Variants in CDIN1 observed in about 807,000 individuals in gnomAD.
The protein encoded by CDIN1 is CDAN1-interacting nuclease 1.
A neutral mutation model predicts 45.3 loss-of-function variants in CDIN1; 33 were observed. That is an observed-to-expected ratio of 0.73 (90% CI 0.55 to 0.97). CDIN1 has a LOEUF of 0.97. Ranked by LOEUF, CDIN1 falls within the 50% of genes least tolerant of loss-of-function variation. The probability of loss-of-function intolerance (pLI) is 0.00; values close to 1 mark genes in which losing one functional copy is unlikely to be tolerated. For missense variants in CDIN1, 303 were observed against 339.4 expected, an observed-to-expected ratio of 0.89 and a Z score of 0.84; for synonymous variants, 118 against 124.4, an observed-to-expected ratio of 0.95 and a Z score of 0.34.
intron 1 of CDIN1, chr15:36,618,003 T>C: frequency 1.3e-6 from 1 of 789,198 alleles, no homozygotes; most frequent in South Asian, 1.3e-5. Context: ...TCCCCAGTCT[T>C]TATGCAGCCT....
At chr15:36,739,442 A>AAAACC (rs1390719886) in intron 10 of CDIN1, among the ~76,000 whole-genome samples, 1 of 151,966 alleles carries the variant, frequency 6.6e-6, no homozygotes, top group Non-Finnish European at 1.5e-5. Flanking sequence ...AAAACAAAAC[A>AAAACC]AAAAACAAAG....
At chr15:36,726,526 T>G (rs530363485) in intron 10 of CDIN1, among the ~76,000 whole-genome samples, 41 of 152,356 alleles carry the variant, frequency 2.7e-4, no homozygotes, top group African/African-American at 8.9e-4. Context: ...GACATTTATG[T>G]CTGACATTGT....
intron 10 of CDIN1, among the ~76,000 whole-genome samples, chr15:36,748,217 A>G (rs1860339084): frequency 6.6e-6 from 1 of 152,256 alleles, no homozygotes; most frequent in African/African-American, 2.4e-5. Context: ...CACATAATAC[A>G]CATTTGACAA....
At chr15:36,619,156 G>A (rs2039033867) in intron 1 of CDIN1, 3 of 1,153,078 alleles carry the variant, frequency 2.6e-6, no homozygotes, top group East Asian at 2.3e-5. Context: ...TCCCAGGGGA[G>A]CAGCTGGAAA....
At chr15:36,654,838 C>A (rs761380704) in intron 4 of CDIN1, among the ~76,000 whole-genome samples, 25 of 151,854 alleles carry the variant, frequency 1.6e-4, no homozygotes, top group Non-Finnish European at 3.2e-4. Flanking sequence ...AGAGAGCATA[C>A]CAAAAAAATA....
At chr15:36,796,613 C>T (rs1456702577) in intron 10 of CDIN1, among the ~76,000 whole-genome samples, 3 of 152,202 alleles carry the variant, frequency 2.0e-5, no homozygotes, top group Non-Finnish European at 2.9e-5. Flanking sequence ...TCTGTCTGCT[C>T]ATGCAGTCAA....
intron 10 of CDIN1, among the ~76,000 whole-genome samples, chr15:36,732,308 G>T (rs142668767): frequency 6.6e-6 from 1 of 151,994 alleles, no homozygotes; most frequent in Non-Finnish European, 1.5e-5. Flanking sequence ...GGGAGGAACT[G>T]TACTAGGAAA....
chr15:36,653,964 G>T (rs2040677212), intron 3 of CDIN1, 134 bp from the exon 4 acceptor site: 3 of 626,546 alleles, frequency 4.8e-6, no homozygotes, highest in Non-Finnish European at 2.8e-6. Context: ...GCTTTCCTAT[G>T]AAAGTAGCTT....
chr15:36,751,212 A>T (rs1417502999), intron 10 of CDIN1, among the ~76,000 whole-genome samples: 1 of 100,144 alleles, frequency 1.0e-5, no homozygotes, highest in African/African-American at 3.8e-5. Context: ...TGATAAAAGC[A>T]TATATATATG....
intron 10 of CDIN1, among the ~76,000 whole-genome samples, chr15:36,794,590 A>G (rs980494673): frequency 5.3e-5 from 8 of 152,142 alleles, no homozygotes; most frequent in Admixed American, 5.2e-4. Context: ...CATAATTTAT[A>G]TCCTTGGGGT....
At chr15:36,691,214 G>T (rs1416961938) in intron 5 of CDIN1, 1 of 517,922 alleles carries the variant, frequency 1.9e-6, no homozygotes, top group Non-Finnish European at 3.9e-6. Context: ...ATGGCTGAAA[G>T]CCATTTTAAT....
intron 10 of CDIN1, among the ~76,000 whole-genome samples, chr15:36,727,351 A>T (rs972639925): frequency 6.6e-6 from 1 of 151,750 alleles, no homozygotes; most frequent in Admixed American, 6.6e-5. Context: ...AAAAAAAAAA[A>T]AAAGAAAAAA....
At position 36,642,970 on chromosome 15, in the gene CDIN1, C is replaced by G. The variant is rs566108375; in HGVS notation, c.102-1308C>G. Among the ~76,000 whole-genome samples the G allele has an allele frequency of 7.2e-5, 11 of 152,098 alleles. No individual in the cohort carries two copies. In the South Asian group the frequency reaches 2.3e-3, roughly 32 times the overall value. ...ACCCCAGAAGATTATTGTCAGCAAC[C>G]CTACTAGGGTATGTGATTTGGATGT... is the stretch of plus-strand genomic sequence containing the variant. On this transcript the variant is annotated intron_variant, in intron 1 of 10. Transcript: ENST00000566621.
intron 7 of CDIN1, among the ~76,000 whole-genome samples, chr15:36,695,141 G>A (rs2042378079): frequency 6.6e-6 from 1 of 152,154 alleles, no homozygotes; most frequent in Non-Finnish European, 1.5e-5. Context: ...CACATCTCTT[G>A]AATTCTAAGA....
intron 10 of CDIN1, among the ~76,000 whole-genome samples, chr15:36,733,317 T>G (rs908978740): frequency 6.6e-6 from 1 of 152,100 alleles, no homozygotes; most frequent in African/African-American, 2.4e-5. Flanking sequence ...TTTTTTTGTA[T>G]GATTTTTAAA....
intron 1 of CDIN1, chr15:36,640,549 T>G (rs1307147592): frequency 2.5e-6 from 2 of 804,672 alleles, no homozygotes; most frequent in Middle Eastern, 6.3e-4. Context: ...CTTCCTAGAT[T>G]CTATAGAAAA....
chr15:36,620,455 C>A (rs1320538843), intron 1 of CDIN1, among the ~76,000 whole-genome samples: 1 of 152,062 alleles, frequency 6.6e-6, no homozygotes, highest in Non-Finnish European at 1.5e-5. Context: ...CCTGTGATTC[C>A]CCCTGCTAAA....
At chr15:36,737,775 C>T (rs1428191795) in intron 10 of CDIN1, among the ~76,000 whole-genome samples, 1 of 152,148 alleles carries the variant, frequency 6.6e-6, no homozygotes, top group Non-Finnish European at 1.5e-5. Flanking sequence ...AGGGAAATGC[C>T]TGGAGCTGCT....
intron 10 of CDIN1, among the ~76,000 whole-genome samples, chr15:36,798,025 C>CAAAA (rs11307856): frequency 1.5e-4 from 14 of 93,578 alleles, no homozygotes; most frequent in Non-Finnish European, 2.4e-4. Context: ...GAGTTATTAG[C>CAAAA]AAAAAAAAAA....
Sources: allele counts gnomAD v4.1 joint callset (sites outside exome capture counted in the v4.1 genomes callset), GRCh38; gene constraint gnomAD v4.1.1; transcripts MANE v1.5; gene names NCBI Gene and HGNC (gene_info 2026-07-23, HGNC 2026-07-21).